The following HDAC9 variants were observed in gnomAD, a reference collection of about 807,000 sequenced individuals.
HDAC9 encodes MEF-2 interacting transcription repressor (MITR) protein.
HDAC9 carries 41 observed loss-of-function variants against 139.4 expected under a neutral mutation model. The ratio of observed to expected loss-of-function variants is 0.29; its 90% CI spans 0.23 to 0.38. HDAC9 has a LOEUF of 0.38. Among genes scored for constraint, HDAC9 ranks in the 10% least tolerant of loss-of-function variants. HDAC9 has a pLI of 1.00. For missense variants in HDAC9, 1,147 were observed against 1,297.0 expected (o/e 0.88, Z 1.78); for synonymous variants, 517 against 476.2 (o/e 1.09, Z -1.12).
chr7:18,966,708 C>T (rs1209688248), intron 24 of HDAC9, among the ~76,000 whole-genome samples: 2 of 119,866 alleles, frequency 1.7e-5, no homozygotes, highest in African/African-American at 6.3e-5. Context: ...CTCAAAAAAA[C>T]AAACAGACCA....
intron 25 of HDAC9, among the ~76,000 whole-genome samples, chr7:18,976,327 A>G (rs1290486284): frequency 1.3e-5 from 2 of 152,166 alleles, no homozygotes; most frequent in Admixed American, 1.3e-4. Context: ...TTCTCTAATC[A>G]TTTTGAAATT....
intron 12 of HDAC9, among the ~76,000 whole-genome samples, chr7:18,699,125 C>T (rs1172923451): frequency 2.0e-5 from 3 of 152,158 alleles, no homozygotes; most frequent in Non-Finnish European, 2.9e-5. Context: ...ACTGTGTCAA[C>T]TGGCTGGGGC....
At chr7:18,857,489 G>A (rs116993246) in intron 21 of HDAC9, among the ~76,000 whole-genome samples, 158 of 152,026 alleles carry the variant, frequency 1.0e-3, no homozygotes, top group Non-Finnish European at 2.0e-3. Flanking sequence ...TTTTGTCTCT[G>A]TTCTCCAGAA....
chr7:18,265,477 A>T (rs1226276196), intron 2 of HDAC9, among the ~76,000 whole-genome samples: 1 of 152,186 alleles, frequency 6.6e-6, no homozygotes, highest in Non-Finnish European at 1.5e-5. Flanking sequence ...GCTAGAAAAC[A>T]CCAGAAATTA....
chr7:18,522,070 T>G (rs1482858975), intron 2 of HDAC9, among the ~76,000 whole-genome samples: 1 of 152,086 alleles, frequency 6.6e-6, no homozygotes, highest in Non-Finnish European at 1.5e-5. Context: ...AGGATGTAAG[T>G]CTCCAAGGTA....
In HDAC9 at chr7:18,809,383, G is replaced by A. The variant is rs964554738; in HGVS notation, c.2322+15931G>A. The stretch of plus-strand genomic sequence containing the variant: ...CCTCTGCATAGCAAAGAAAACAATC[G>A]ACAAAATTAAAAGGCAACCTGTGTA... On this transcript the variant is annotated intron_variant, in intron 17 of 25. Transcript: ENST00000686413. Among the ~76,000 whole-genome samples, 4 of 151,776 alleles carry A rather than the reference G, an allele frequency of 2.6e-5. No individual in the cohort carries two copies. The South Asian group carries it at 6.2e-4, about 24-fold the overall frequency.
chr7:18,598,710 A>G (rs895996870), intron 6 of HDAC9, among the ~76,000 whole-genome samples: 57 of 152,342 alleles, frequency 3.7e-4, no homozygotes, highest in African/African-American at 1.3e-3. Flanking sequence ...TTTTTGTTGT[A>G]GAAGGTCTTT....
intron 23 of HDAC9, among the ~76,000 whole-genome samples, chr7:18,951,649 C>A (rs181114489): frequency 3.3e-5 from 5 of 151,852 alleles, no homozygotes; most frequent in Admixed American, 6.6e-5. Flanking sequence ...GATTAATCTC[C>A]ATCACCAATG....
rs1005656703 is a variant in HDAC9, at chr7:18,232,047, T to C, written c.25+69698T>C. On this transcript the variant is annotated intron_variant, in intron 2 of 12. Transcript: ENST00000417496. ...TAATGAGTGCATTTGTGATTTTTGT[T>C]GCTTACTCATCATAATTATGAGACA... 8.5e-5 allele frequency among the ~76,000 whole-genome samples: 13 copies of C among 152,256 alleles called. 1 individual carries two copies. Among genetic ancestry groups the C allele is most frequent in the African/African-American group, 3.1e-4 (13 of 41,470 alleles).
At chr7:18,374,348 G>C (rs1286074078) in intron 1 of HDAC9, among the ~76,000 whole-genome samples, 1 of 151,890 alleles carries the variant, frequency 6.6e-6, no homozygotes, top group Non-Finnish European at 1.5e-5. Context: ...GATAGGTTCT[G>C]ATAAATACAT....
At chr7:18,192,371 T>G (rs1790410075) in intron 2 of HDAC9, among the ~76,000 whole-genome samples, 1 of 152,198 alleles carries the variant, frequency 6.6e-6, no homozygotes, top group Non-Finnish European at 1.5e-5. Flanking sequence ...ATGCACTTTG[T>G]TATGGATAAA....
chr7:18,635,350 A>G lies in HDAC9; in HGVS notation c.912+608A>G, dbSNP rs112624103. ...AGCAAACATTTTTTGAGCACCTGCT[A>G]TATTCAAGTCATTTTGCCTCACAGT... On this transcript the variant is annotated intron_variant, in intron 8 of 25. Transcript: ENST00000686413. Among the ~76,000 whole-genome samples the G allele has an allele frequency of 2.4e-4, 36 of 152,140 alleles. 1 individual carries two copies. The highest frequency in any genetic ancestry group is 8.4e-4 in the African/African-American group (35 of 41,542).
At chr7:18,793,610 G>A (rs150170155) in intron 17 of HDAC9, among the ~76,000 whole-genome samples, 158 bp downstream of exon 17, 1 of 152,330 alleles carries the variant, frequency 6.6e-6, no homozygotes, top group East Asian at 1.9e-4. Flanking sequence ...TAACTCATCT[G>A]TAGGCAGGGA....
intron 1 of HDAC9, among the ~76,000 whole-genome samples, chr7:18,295,885 AC>A (rs1291882081): frequency 2.0e-5 from 3 of 151,986 alleles, no homozygotes; most frequent in Non-Finnish European, 1.5e-5. Flanking sequence ...GCACCAGACA[AC>A]CCCCCACAAC....
intron 24 of HDAC9, among the ~76,000 whole-genome samples, chr7:18,963,085 T>G (rs1783628103): frequency 6.6e-6 from 1 of 152,178 alleles, no homozygotes; most frequent in Non-Finnish European, 1.5e-5. Context: ...TAAAATGTAA[T>G]AGAGTTTGCA....
intron 1 of HDAC9, among the ~76,000 whole-genome samples, chr7:18,125,613 C>A (rs182788107): frequency 1.5e-3 from 227 of 151,994 alleles, no homozygotes; most frequent in Non-Finnish European, 1.8e-3. Context: ...GTGTTATCTA[C>A]TTATCTATCT....
At chr7:18,330,164 C>G (rs1365153157) in intron 1 of HDAC9, among the ~76,000 whole-genome samples, 1 of 151,580 alleles carries the variant, frequency 6.6e-6, no homozygotes, top group East Asian at 1.9e-4. Context: ...TGTGAAGATT[C>G]TTTTCAGAGA....
intron 17 of HDAC9, among the ~76,000 whole-genome samples, chr7:18,808,891 C>G (rs1793947577): frequency 6.6e-6 from 1 of 151,774 alleles, no homozygotes; most frequent in Non-Finnish European, 1.5e-5. Flanking sequence ...ACAACAACAA[C>G]AACAACAAAA....
At chr7:18,336,237 G>T (rs1781573353) in intron 1 of HDAC9, among the ~76,000 whole-genome samples, 1 of 151,500 alleles carries the variant, frequency 6.6e-6, no homozygotes, top group African/African-American at 2.4e-5. Context: ...TGTTAATGTT[G>T]TTGTTATTAT....
Sources: gnomAD v4.1 joint callset for allele counts (sites outside exome capture counted in the v4.1 genomes callset) on GRCh38, gnomAD v4.1.1 for gene constraint, MANE v1.5 for transcripts, NCBI Gene and HGNC (gene_info 2026-07-23, HGNC 2026-07-21) for gene names.